ADAMTSL4: variants seen among roughly 807,000 people sequenced by gnomAD.
ADAMTSL4 encodes ADAMTS-like protein 4.
In ADAMTSL4, 97 loss-of-function variants were observed where a neutral mutation model predicts 122.8. That is an observed-to-expected ratio of 0.79 (90% confidence interval 0.67 to 0.93). ADAMTSL4 has a LOEUF of 0.93. ADAMTSL4 is among the 40% of genes least tolerant of loss of function. The pLI is 0.00. For synonymous variants in ADAMTSL4, 592 were observed against 568.0 expected, an observed-to-expected ratio of 1.04 and a Z score of -0.60; for missense variants, 1,408 against 1,453.5, an observed-to-expected ratio of 0.97 and a Z score of 0.51.
rs1477610326 is a variant in ADAMTSL4, at chr1:150,552,580, C to G, written c.58C>G (p.Gln20Glu). Residue 20 changes from glutamine to glutamate, a missense_variant, in exon 4 of 19, where the codon CAG (glutamine) becomes GAG (glutamate). Physicochemically the swap from Gln to Glu is conservative, Grantham distance 29. Transcript: ENST00000271643. The surrounding 1 kb of genome is among the most constrained non-coding windows in gnomAD (Gnocchi z 4.0). ...TCTGCTGCTGCTTCTGTCCCTCCCTCAGCTCTGCTTGGATCAGGAGGTGAG... is the reference window on the plus strand; with the variant it reads ...TCTGCTGCTGCTTCTGTCCCTCCCTGAGCTCTGCTTGGATCAGGAGGTGAG... ...LYLLLLLSLPQLCLDQEVLSG... is the reference protein window; with the variant it reads ...LYLLLLLSLPELCLDQEVLSG... 1 of 1,614,024 alleles carries G rather than the reference C, an allele frequency of 6.2e-7. No individual in the cohort carries two copies. Among genetic ancestry groups the G allele is most frequent in the Non-Finnish European group, 8.5e-7 (1 of 1,179,994 alleles).
chr1:150,557,091 G>A, intron 11 of ADAMTSL4, 41 bp downstream of exon 11: 1 of 1,612,814 alleles, frequency 6.2e-7, no homozygotes, highest in Non-Finnish European at 8.5e-7. Context: ...GGAGGGAGAG[G>A]CTGCAGGGCT....
rs1373419336 is a variant in ADAMTSL4, at chr1:150,552,202, CAG to C, written c.-82_-81del. 1 of 1,417,244 alleles carries C rather than the reference CAG, an allele frequency of 7.1e-7. No individual in the cohort carries two copies. Among genetic ancestry groups the C allele is most frequent in the Non-Finnish European group, 9.7e-7 (1 of 1,032,226 alleles). 87.8% of individuals were successfully genotyped at this position (1,417,244 alleles called of 1,614,324 possible). On this transcript the variant is annotated splice_acceptor_variant, in intron 2 of 18. Transcript: ENST00000271643. LOFTEE classifies it low-confidence loss of function (5UTR_SPLICE). The surrounding 1 kb of genome is among the most constrained non-coding windows in gnomAD (Gnocchi z 4.0). ...GGTAACCACCAGGCTTCTGTCCCTG[CAG>C]AGAGCACCCTCCACGCCCAGATGCC...
chr1:150,554,352 C>A lies in ADAMTSL4; in HGVS notation c.1132-13C>A, dbSNP rs587766449. 2.5e-6 allele frequency: 4 copies of A among 1,610,606 alleles called. No individual in the cohort carries two copies. In the Admixed American group the frequency reaches 6.7e-5, roughly 27 times the overall value. On this transcript the variant is annotated splice_polypyrimidine_tract_variant and intron_variant, in intron 6 of 18. Transcript: ENST00000271643. The surrounding 1 kb of genome is among the most constrained non-coding windows in gnomAD (Gnocchi z 4.0). ...GCTCCCCAGCTCTGACTCCTTTGTA[C>A]CCCTCACCGCAGCCCTGCCCCCCTG...
At chr1:150,555,804 T>G in intron 8 of ADAMTSL4, 1 of 636,898 alleles carries the variant, frequency 1.6e-6, no homozygotes, top group Non-Finnish European at 2.8e-6. Context: ...CACACGTGCA[T>G]GAACACATGC....
intron 2 of ADAMTSL4, chr1:150,551,506 CAG>C (rs57507911): frequency 0.061 from 10,276 of 168,326 alleles, 910 homozygotes; most frequent in African/African-American, 0.19. Context: ...GGTGGGTCCT[CAG>C]AGAGAGTGTC....
At chr1:150,557,831 C>T (rs1672347440) in intron 13 of ADAMTSL4, 114 bp from the exon 14 acceptor site, 3 of 1,420,890 alleles carry the variant, frequency 2.1e-6, no homozygotes, top group African/African-American at 2.8e-5. Context: ...GCCAAACGTG[C>T]CCACTCTCCT....
At chr1:150,558,424 T>C (rs755585000) in intron 14 of ADAMTSL4, 49 bp from the exon 15 acceptor site, 1 of 1,609,256 alleles carries the variant, frequency 6.2e-7, no homozygotes, top group East Asian at 2.2e-5. Context: ...GGAAGCTGGC[T>C]GAGAAGGTCT....
chr1:150,555,642 T>TAC lies in ADAMTSL4; in HGVS notation c.1371+83_1371+84dup, dbSNP rs149100901. On this transcript the variant is annotated intron_variant, in intron 8 of 18. Coordinates refer to ENST00000271643, the MANE Select transcript of ADAMTSL4 (RefSeq NM_019032.6). ...ACATGCCCCCATATGCATACACATG[T>TAC]ACACACATATGTATGAACACATGCA... 292 of 1,574,402 alleles carry TAC rather than the reference T, an allele frequency of 1.9e-4. No individual in the cohort carries two copies. In the African/African-American group the frequency reaches 1.9e-3, roughly 10 times the overall value.
At chr1:150,550,878 G>A (rs967783562) in intron 2 of ADAMTSL4, 1 of 456,388 alleles carries the variant, frequency 2.2e-6, no homozygotes, top group African/African-American at 2.0e-5. Context: ...TCTGCCCCCA[G>A]GCACATTCCT....
intron 2 of ADAMTSL4, chr1:150,550,667 C>A: frequency 2.2e-6 from 1 of 445,352 alleles, no homozygotes; most frequent in Non-Finnish European, 4.6e-6. Context: ...AACATGGGCC[C>A]TTCTCTGGAG....
intron 8 of ADAMTSL4, 59 bp downstream of exon 8, chr1:150,555,624 C>T: frequency 6.3e-7 from 1 of 1,584,972 alleles, no homozygotes; most frequent in Non-Finnish European, 8.6e-7. Flanking sequence ...GACACATGCC[C>T]CCATATGCAT....
rs1672583396 is a variant in ADAMTSL4, at chr1:150,559,678, T to C, written c.2944-83T>C. 1 of 1,604,498 alleles carries C rather than the reference T, an allele frequency of 6.2e-7. No individual in the cohort carries two copies. Among genetic ancestry groups the C allele is most frequent in the South Asian group, 1.1e-5 (1 of 90,764 alleles). On this transcript the variant is annotated intron_variant, in intron 17 of 18. Transcript: ENST00000271643. This position sits in a 1 kb window ranked among gnomAD's most constrained non-coding sequence, Gnocchi z 4.1. ...CCTAGGAGGGTCCCCACCACCACCTTTTGGGGAGAGAGGTGGCAGCCAGGG... is the reference window on the plus strand; with the variant it reads ...CCTAGGAGGGTCCCCACCACCACCTCTTGGGGAGAGAGGTGGCAGCCAGGG...
Position 150,556,555 on chromosome 1 carries a change from C to G in ADAMTSL4, c.1577-66C>G. The G allele has an allele frequency of 6.2e-7, 1 of 1,605,696 alleles. No individual in the cohort carries two copies. The highest frequency in any genetic ancestry group is 8.5e-7 in the Non-Finnish European group (1 of 1,173,468). ...GGTGGGAGCTTCTATAGGCTAAGGA[C>G]ACGGTGTGGGAGGAGGAAGGTATTA... On this transcript the variant is annotated intron_variant, in intron 9 of 18. Transcript: ENST00000271643. This position sits in a 1 kb window ranked among gnomAD's most constrained non-coding sequence, Gnocchi z 4.1.
chr1:150,555,879 G>A (rs587763406), intron 8 of ADAMTSL4: 207 of 602,256 alleles, frequency 3.4e-4, no homozygotes, highest in African/African-American at 2.6e-3. Flanking sequence ...ATGCACACAT[G>A]CACACACACG....
Position 150,552,844 on chromosome 1 carries a change from C to T in ADAMTSL4, c.79-54C>T, listed in dbSNP as rs1671562658. The T allele has an allele frequency of 6.4e-7, 1 of 1,569,790 alleles. No individual in the cohort carries two copies. The highest frequency in any genetic ancestry group is 2.2e-5 in the East Asian group (1 of 44,694). ...CTCAGTGTTGGTCTACATGGACACT[C>T]TGGACAGTTCCCTCTAATCCTTCCA... On this transcript the variant is annotated intron_variant, in intron 4 of 18. Transcript: ENST00000271643. The surrounding 1 kb of genome is among the most constrained non-coding windows in gnomAD (Gnocchi z 4.0).
chr1:150,555,283 C>T (rs1344100475), intron 7 of ADAMTSL4, 146 bp from the exon 8 acceptor site: 6 of 1,035,074 alleles, frequency 5.8e-6, no homozygotes, highest in Non-Finnish European at 5.6e-6. Flanking sequence ...CCACTGCGCC[C>T]GGCCCTGACC....
At position 150,549,454 on chromosome 1, in the gene ADAMTSL4, C is replaced by T. The variant is rs1671178441; in HGVS notation, c.-204C>T. ...GGAGCGAGGTTGCCTGGAGAGAGCG[C>T]CTGGGCGCAGAAGGGTTAACGGGCC... On this transcript the variant is annotated 5_prime_UTR_variant, in exon 1 of 19. Transcript: ENST00000271643. This position sits in a 1 kb window ranked among gnomAD's most constrained non-coding sequence, Gnocchi z 5.0. The T allele has an allele frequency of 6.6e-6, 1 of 152,366 alleles. No individual in the cohort carries two copies. The highest frequency in any genetic ancestry group is 6.5e-5 in the Admixed American group (1 of 15,288). The allele number at this position is 152,366 out of a possible 1,614,324, so 9.4% of individuals were successfully genotyped here.
At position 150,558,487 on chromosome 1, in the gene ADAMTSL4, CG is replaced by C. The variant is rs1560302249; in HGVS notation, c.2399del (p.Gly800AlafsTer19). On this transcript the variant is annotated frameshift_variant, in exon 15 of 19. Transcript: ENST00000271643. LOFTEE classifies it high-confidence loss of function. ...CGCCCCCTCAGTGCTCCGTGCGGTGCGGCCGGGGCCAGAGAAGCCGGCAGGT... is the reference window on the plus strand; with the variant it reads ...CGCCCCCTCAGTGCTCCGTGCGGTGCGCCGGGGCCAGAGAAGCCGGCAGGT... ...SPWSQCSVRC[G>X]RGQRSRQVRC... 6.2e-7 allele frequency: 1 copy of C among 1,613,610 alleles called. No homozygotes were observed. Among genetic ancestry groups the C allele is most frequent in the South Asian group, 1.1e-5 (1 of 91,084 alleles).
At chr1:150,555,611 A>G in intron 8 of ADAMTSL4, 46 bp downstream of exon 8, 2 of 1,544,784 alleles carry the variant, frequency 1.3e-6, no homozygotes, top group Non-Finnish European at 1.7e-6. Context: ...GCATATGCAC[A>G]CAGACACATG....
Sources: allele counts gnomAD v4.1 joint callset, GRCh38; gene constraint gnomAD v4.1.1; non-coding constraint Gnocchi (gnomAD v3.1); transcripts MANE v1.5; gene names NCBI Gene and HGNC (gene_info 2026-07-23, HGNC 2026-07-21).